COPB2: variants seen among roughly 807,000 people sequenced by gnomAD.
COPB2 encodes the protein coatomer subunit beta'.
In COPB2, 16 loss-of-function variants were observed where a neutral mutation model predicts 120.8. That is an observed-to-expected ratio of 0.13 (90% CI 0.09 to 0.20). The LOEUF is 0.20. Among genes scored for constraint, COPB2 ranks in the 10% least tolerant of loss-of-function variants. The pLI, the probability that COPB2 is intolerant of heterozygous loss-of-function variation, is 1.00. For synonymous variants in COPB2, 332 were observed against 366.3 expected (o/e 0.91, Z 1.07); for missense variants, 794 against 1,076.5 (o/e 0.74, Z 3.67).
intron 2 of COPB2, chr3:139,381,742 GC>G (rs1211250563): frequency 7.9e-5 from 12 of 152,248 alleles, no homozygotes; most frequent in Admixed American, 3.3e-4. Context: ...AGAAAAGTAC[GC>G]CTGGGCTTTA....
intron 5 of COPB2, among the ~76,000 whole-genome samples, chr3:139,376,042 G>A (rs1941707951): frequency 6.6e-6 from 1 of 152,182 alleles, no homozygotes; most frequent in Non-Finnish European, 1.5e-5. Context: ...TTGAGCCCAA[G>A]AGCTCAAGAC....
chr3:139,357,630 G>GA lies in COPB2; in HGVS notation c.*232dup, dbSNP rs1941314864. On this transcript the variant is annotated 3_prime_UTR_variant, in exon 22 of 22. Coordinates refer to ENST00000333188, the MANE Select transcript of COPB2 (RefSeq NM_004766.3). ...TTTATGAGATATGGTCTAATAGTATGAAAAAAATCAAAGCCCATGTCTGTT... is the reference window on the plus strand; with the variant it reads ...TTTATGAGATATGGTCTAATAGTATGAAAAAAAATCAAAGCCCATGTCTGTT... The GA allele has an allele frequency of 1.3e-5, 5 of 371,046 alleles. No homozygotes were observed. The highest frequency in any genetic ancestry group is 9.2e-5 in the South Asian group (1 of 10,886). 23.0% of individuals were successfully genotyped at this position (371,046 alleles called of 1,614,324 possible). A position where few individuals can be genotyped will look rare whatever the true frequency, so the allele number is the denominator to read the frequency against.
chr3:139,387,208 CAAGAAAGAAAGA>C (rs200834068), intron 1 of COPB2, among the ~76,000 whole-genome samples: 20 of 144,850 alleles, frequency 1.4e-4, no homozygotes, highest in East Asian at 2.0e-4. Flanking sequence ...GAGATTCTGT[CAAGAAAGAAAGA>C]AAGAAAGAAA....
intron 15 of COPB2, among the ~76,000 whole-genome samples, chr3:139,363,014 G>C (rs1204560727): frequency 6.6e-6 from 1 of 152,100 alleles, no homozygotes; most frequent in African/African-American, 2.4e-5. Flanking sequence ...CCAAAGAAAC[G>C]GGAGTCAAAT....
Position 139,383,308 on chromosome 3 carries a change from T to A in COPB2, c.131A>T (p.His44Leu). 6.2e-7 allele frequency: 1 copy of A among 1,614,014 alleles called. No individual in the cohort carries two copies. Among genetic ancestry groups the A allele is most frequent in the South Asian group, 1.1e-5 (1 of 91,072 alleles). Reference sequence around the variant, plus strand: ...CTGAAAAATTCCTACCTGTGTTTCATGATTCCAAACACACACACTGCCATT... The same window carrying A: ...CTGAAAAATTCCTACCTGTGTTTCAAGATTCCAAACACACACACTGCCATT... ...LYNGSVCVWN[H>L]ETQTLVKTFE... The change falls in exon 2 of 22, where the codon CAT (histidine) becomes CTT (leucine). Residue 44 changes from histidine to leucine, a missense_variant. His to Leu is a moderately conservative substitution (Grantham distance 99, BLOSUM62 -3). Transcript: ENST00000333188.
chr3:139,377,498 G>T (rs1941735033), intron 5 of COPB2, among the ~76,000 whole-genome samples: 1 of 152,240 alleles, frequency 6.6e-6, no homozygotes, highest in Non-Finnish European at 1.5e-5. Context: ...AGAGGATGGT[G>T]AGTAGACCAG....
intron 2 of COPB2, chr3:139,379,692 C>T (rs1288274373): frequency 1.2e-5 from 6 of 481,696 alleles, no homozygotes; most frequent in South Asian, 8.3e-5. Context: ...CAAATATCCA[C>T]AAGATGGTAT....
chr3:139,367,373 T>C (rs1476918367), intron 13 of COPB2, among the ~76,000 whole-genome samples: 7 of 151,692 alleles, frequency 4.6e-5, no homozygotes, highest in African/African-American at 1.7e-4. Flanking sequence ...TGCCAACTTC[T>C]ACCTCCCGGA....
At chr3:139,358,685 G>GAAA in intron 20 of COPB2, 59 bp downstream of exon 20, 75 of 1,046,400 alleles carry the variant, frequency 7.2e-5, no homozygotes, top group Non-Finnish European at 8.8e-5. Context: ...TGTCTCAAAA[G>GAAA]AAAAAAAAAA....
chr3:139,363,106 A>G (rs1941454314), intron 15 of COPB2, among the ~76,000 whole-genome samples: 1 of 152,214 alleles, frequency 6.6e-6, no homozygotes, highest in Admixed American at 6.5e-5. Context: ...AGGTGTCATT[A>G]CCTATTCCTT....
intron 15 of COPB2, among the ~76,000 whole-genome samples, chr3:139,362,749 A>G (rs1941448217): frequency 6.6e-6 from 1 of 152,196 alleles, no homozygotes; most frequent in Admixed American, 6.5e-5. Flanking sequence ...CAGAATTCTT[A>G]CTGTTTATTA....
chr3:139,374,413 A>T (rs1941680997), intron 7 of COPB2, 76 bp downstream of exon 7: 1 of 1,155,062 alleles, frequency 8.7e-7, no homozygotes, highest in African/African-American at 1.5e-5. Flanking sequence ...TACAATTATA[A>T]TGCAGAGACA....
In COPB2 at chr3:139,362,587, T is replaced by C. The variant is rs1941443724; in HGVS notation, c.1885-70A>G. 1.9e-5 allele frequency: 17 copies of C among 898,676 alleles called. No homozygotes were observed. The South Asian group carries it at 2.9e-4, about 15-fold the overall frequency. The allele number at this position is 898,676 out of a possible 1,614,324, so 55.7% of individuals were successfully genotyped here. A position where few individuals can be genotyped will look rare whatever the true frequency, so the allele number is the denominator to read the frequency against. On this transcript the variant is annotated intron_variant, in intron 15 of 21. Coordinates refer to ENST00000333188, the MANE Select transcript of COPB2 (RefSeq NM_004766.3). ...TGTATGTATGTTTTATATATATATA[T>C]ATACACACACATATACAGTGTACAC...
At chr3:139,359,766 A>C (rs1371580469) in intron 17 of COPB2, among the ~76,000 whole-genome samples, 1 of 151,998 alleles carries the variant, frequency 6.6e-6, no homozygotes, top group Non-Finnish European at 1.5e-5. Flanking sequence ...GCAGAATACC[A>C]TGGTGTCTTA....
At chr3:139,386,383 A>T (rs752581724) in intron 1 of COPB2, among the ~76,000 whole-genome samples, 2 of 151,960 alleles carry the variant, frequency 1.3e-5, no homozygotes, top group African/African-American at 4.8e-5. Flanking sequence ...CCTCCCGAGT[A>T]GCTGGGGACT....
chr3:139,371,907 T>C, intron 9 of COPB2, 74 bp from the exon 10 acceptor site: 4 of 1,039,686 alleles, frequency 3.8e-6, no homozygotes, highest in Non-Finnish European at 5.8e-6. Context: ...CAATAATTCA[T>C]GTTATGGTAA....
At chr3:139,373,975 C>T (rs1941671693) in intron 7 of COPB2, among the ~76,000 whole-genome samples, 167 bp from the exon 8 acceptor site, 1 of 152,112 alleles carries the variant, frequency 6.6e-6, no homozygotes, top group African/African-American at 2.4e-5. Context: ...TTAAAAGCAA[C>T]ATAAACATAA....
intron 5 of COPB2, among the ~76,000 whole-genome samples, chr3:139,377,367 A>G (rs373598645): frequency 6.6e-6 from 1 of 152,234 alleles, no homozygotes; most frequent in Admixed American, 6.5e-5. Context: ...TATTTGTGCT[A>G]AACCTTAAAA....
At chr3:139,379,503 A>G (rs1941770209) in intron 2 of COPB2, 37 bp from the exon 3 acceptor site, 1 of 1,560,284 alleles carries the variant, frequency 6.4e-7, no homozygotes, top group East Asian at 2.2e-5. Context: ...ATTGAGCTAT[A>G]AGAAAATAAC....
Sources: allele counts gnomAD v4.1 joint callset (sites outside exome capture counted in the v4.1 genomes callset), GRCh38; gene constraint gnomAD v4.1.1; transcripts MANE v1.5; gene names NCBI Gene and HGNC (gene_info 2026-07-23, HGNC 2026-07-21).